Variants in SLIRP observed in about 807,000 individuals in gnomAD.
SLIRP encodes SRA stem-loop-interacting RNA-binding protein, mitochondrial.
SLIRP carries 12 observed loss-of-function variants against 13.4 expected under a neutral mutation model. The observed-to-expected ratio is 0.89, with a 90% confidence interval of 0.57 to 1.45. The LOEUF (loss-of-function observed/expected upper bound fraction) is 1.45. SLIRP is among the 40% of genes most tolerant of loss of function. The probability of loss-of-function intolerance (pLI) is 0.00; values close to 1 mark genes in which losing one functional copy is unlikely to be tolerated. For missense variants in SLIRP, 154 were observed against 132.2 expected (o/e 1.17, Z -0.81); for synonymous variants, 55 against 47.1 (o/e 1.17, Z -0.69).
intron 2 of SLIRP, among the ~76,000 whole-genome samples, chr14:77,713,151 ATTTTAAG>A (rs1270862666): frequency 1.3e-5 from 2 of 152,186 alleles, no homozygotes; most frequent in Admixed American, 6.5e-5. Flanking sequence ...GGCAGAGGAT[ATTTTAAG>A]TTTTATCTTC....
At chr14:77,708,845 C>T (rs1490006604) in intron 1 of SLIRP, among the ~76,000 whole-genome samples, 2 of 152,204 alleles carry the variant, frequency 1.3e-5, no homozygotes, top group South Asian at 2.1e-4. Context: ...GGTTGTATAT[C>T]ATTGTGGCTG....
chr14:77,716,144 G>A (rs909856558), intron 3 of SLIRP: 9 of 233,508 alleles, frequency 3.9e-5, no homozygotes, highest in Admixed American at 2.2e-4. Context: ...GTGAAACCCC[G>A]TCTCTACTAA....
intron 3 of SLIRP, among the ~76,000 whole-genome samples, chr14:77,717,145 A>T (rs1399811159): frequency 6.9e-6 from 1 of 145,780 alleles, no homozygotes; most frequent in African/African-American, 2.4e-5. Flanking sequence ...AAACTGATTT[A>T]CTATTTTATT....
intron 3 of SLIRP, among the ~76,000 whole-genome samples, chr14:77,717,057 G>A (rs958289918): frequency 3.3e-5 from 5 of 152,168 alleles, no homozygotes; most frequent in South Asian, 2.1e-4. Context: ...GAGCCACAGC[G>A]CCTGGCCAGC....
intron 2 of SLIRP, 24 bp downstream of exon 2, chr14:77,710,920 G>A (rs1364595788): frequency 6.2e-7 from 1 of 1,611,064 alleles, no homozygotes. Flanking sequence ...AAAAGTAGGT[G>A]GGAGGTGGGG....
At position 77,717,583 on chromosome 14, in the gene SLIRP, T is replaced by C. The variant is rs1284960393; in HGVS notation, c.*22T>C. The C allele has an allele frequency of 6.3e-7, 1 of 1,584,436 alleles. No homozygotes were observed. Among genetic ancestry groups the C allele is most frequent in the East Asian group, 2.2e-5 (1 of 44,726 alleles). ...TTGAGACTGCAGCCTATTAATAAAG[T>C]TAACATAACTGAGAATTTTGTCTAA... On this transcript the variant is annotated 3_prime_UTR_variant, in exon 4 of 4. Transcript: ENST00000557342.
intron 2 of SLIRP, among the ~76,000 whole-genome samples, chr14:77,715,447 C>T (rs567148224): frequency 4.6e-5 from 7 of 151,446 alleles, no homozygotes; most frequent in Admixed American, 1.3e-4. Context: ...AGTTTGAGAC[C>T]GGCCTGGGTA....
intron 1 of SLIRP, 109 bp downstream of exon 1, chr14:77,708,317 T>A: frequency 9.2e-7 from 1 of 1,089,974 alleles, no homozygotes; most frequent in Non-Finnish European, 1.4e-6. Context: ...ATTAGGAGAC[T>A]GCTCCTGAGC....
Position 77,717,588 on chromosome 14 carries a change from A to ATAAC in SLIRP, c.*29_*32dup, listed in dbSNP as rs1194090718. ...ACTGCAGCCTATTAATAAAGTTAAC[A>ATAAC]TAACTGAGAATTTTGTCTAAATGTT... is the stretch of plus-strand genomic sequence containing the variant. On this transcript the variant is annotated 3_prime_UTR_variant, in exon 4 of 4. Transcript: ENST00000557342. The ATAAC allele has an allele frequency of 1.9e-6, 3 of 1,575,472 alleles. No individual in the cohort carries two copies. Among genetic ancestry groups the ATAAC allele is most frequent in the Non-Finnish European group, 2.6e-6 (3 of 1,149,724 alleles).
At chr14:77,711,005 A>G (rs2080436014) in intron 2 of SLIRP, 109 bp downstream of exon 2, 1 of 893,524 alleles carries the variant, frequency 1.1e-6, no homozygotes, top group Non-Finnish European at 1.8e-6. Flanking sequence ...ATGGTCAATA[A>G]TAATTGTACA....
At chr14:77,712,166 A>C (rs1486776732) in intron 2 of SLIRP, 2 of 152,210 alleles carry the variant, frequency 1.3e-5, no homozygotes, top group African/African-American at 4.8e-5. Context: ...TTAGGATCTC[A>C]CATAGCTATA....
intron 3 of SLIRP, chr14:77,716,417 C>G (rs1449115678): frequency 6.6e-6 from 1 of 151,320 alleles, no homozygotes; most frequent in Non-Finnish European, 1.5e-5. Context: ...GAGGCCGAGG[C>G]GGGGGGGATC....
At chr14:77,715,088 T>C (rs1004187534) in intron 2 of SLIRP, among the ~76,000 whole-genome samples, 1 of 152,186 alleles carries the variant, frequency 6.6e-6, no homozygotes, top group Non-Finnish European at 1.5e-5. Context: ...TGAGGGTGAC[T>C]GGATTCAGAA....
intron 2 of SLIRP, among the ~76,000 whole-genome samples, chr14:77,715,307 G>A (rs1335281574): frequency 6.6e-6 from 1 of 152,140 alleles, no homozygotes; most frequent in East Asian, 1.9e-4. Context: ...TGGGTAATCA[G>A]GAAGGGTGTA....
At chr14:77,716,864 C>T (rs1423577981) in intron 3 of SLIRP, among the ~76,000 whole-genome samples, 1 of 151,912 alleles carries the variant, frequency 6.6e-6, no homozygotes, top group African/African-American at 2.4e-5. Flanking sequence ...TGGGTTCAAG[C>T]GATTCTCCTG....
rs1203472685 is a variant in SLIRP at position 77,715,663 on chromosome 14, A to G, written c.157-109A>G. 4.4e-6 allele frequency: 4 copies of G among 901,918 alleles called. No individual in the cohort carries two copies. The East Asian group carries it at 9.9e-5, about 22-fold the overall frequency. The allele number at this position is 901,918 out of a possible 1,614,324, so 55.9% of individuals were successfully genotyped here. On this transcript the variant is annotated intron_variant, in intron 2 of 3. Coordinates refer to ENST00000557342, the MANE Select transcript of SLIRP (RefSeq NM_031210.6). ...CTGCCTAAAAATAAAATAAAATTAAATTAAAAAGTCCGATTTTTGGCAGAT... is the reference window on the plus strand; with the variant it reads ...CTGCCTAAAAATAAAATAAAATTAAGTTAAAAAGTCCGATTTTTGGCAGAT...
At chr14:77,715,972 T>C in intron 3 of SLIRP, 93 bp downstream of exon 3, 1 of 1,004,590 alleles carries the variant, frequency 1.0e-6, no homozygotes. Context: ...TGTGGAATGA[T>C]GGGGACTTGG....
rs1425748771 is a variant in SLIRP at position 77,710,540 on chromosome 14, G to T, written c.98-298G>T. 3.6e-6 allele frequency: 5 copies of T among 1,383,430 alleles called. No homozygotes were observed. The African/African-American group carries it at 4.3e-5, about 12-fold the overall frequency. The allele number at this position is 1,383,430 out of a possible 1,614,324, so 85.7% of individuals were successfully genotyped here. Reference sequence around the variant, plus strand: ...ATTGTAATTTGTCTTTTTCTTCATTGTGATCTGCTCACAGGGATCATAGTC... The same window carrying T: ...ATTGTAATTTGTCTTTTTCTTCATTTTGATCTGCTCACAGGGATCATAGTC... On this transcript the variant is annotated intron_variant, in intron 1 of 3. Coordinates refer to ENST00000557342, the MANE Select transcript of SLIRP (RefSeq NM_031210.6).
intron 1 of SLIRP, chr14:77,710,635 A>C: frequency 6.6e-7 from 1 of 1,524,316 alleles, no homozygotes; most frequent in Non-Finnish European, 8.8e-7. Flanking sequence ...CCAACTCAAC[A>C]ACTTCTCTGT....
Sources: gnomAD v4.1 joint callset for allele counts (sites outside exome capture counted in the v4.1 genomes callset) on GRCh38, gnomAD v4.1.1 for gene constraint, MANE v1.5 for transcripts, NCBI Gene and HGNC (gene_info 2026-07-23, HGNC 2026-07-21) for gene names.